Variants in PIP5K1B observed in about 807,000 individuals in gnomAD.
PIP5K1B encodes phosphatidylinositol-4-phosphate 5-kinase type 1 beta, also known as phosphatidylinositol 4-phosphate 5-kinase type-1 beta.
Under a neutral mutation model 67.0 loss-of-function variants are expected in PIP5K1B, and 42 were observed. That is an observed-to-expected ratio of 0.63 (90% CI 0.49 to 0.81). The LOEUF is 0.81. PIP5K1B is among the 30% of genes least tolerant of loss of function. The pLI is 0.00. For missense variants in PIP5K1B, 459 were observed against 646.3 expected (o/e 0.71, Z 3.14); for synonymous variants, 214 against 231.4 (o/e 0.92, Z 0.68).
chr9:68,733,621 TAG>T (rs1200643168), intron 1 of PIP5K1B, among the ~76,000 whole-genome samples: 1 of 139,862 alleles, frequency 7.1e-6, no homozygotes, highest in Non-Finnish European at 1.5e-5. Context: ...TTGAAATACT[TAG>T]ACTCTTTTTT....
chr9:68,725,634 A>C (rs954721587), intron 1 of PIP5K1B, among the ~76,000 whole-genome samples: 2 of 152,204 alleles, frequency 1.3e-5, no homozygotes, highest in African/African-American at 2.4e-5. Context: ...TTAGAGTTCC[A>C]GAATTTAAAC....
intron 8 of PIP5K1B, among the ~76,000 whole-genome samples, chr9:68,896,280 G>A (rs1564213944): frequency 1.3e-5 from 2 of 150,858 alleles, no homozygotes; most frequent in African/African-American, 4.9e-5. Context: ...TCTCTTTTGT[G>A]TGCTTCTTGC....
At chr9:68,851,200 TTCTGCC>T (rs1467382993) in intron 4 of PIP5K1B, among the ~76,000 whole-genome samples, 2 of 152,240 alleles carry the variant, frequency 1.3e-5, no homozygotes, top group East Asian at 3.8e-4. Context: ...TTTTTCTTTA[TTCTGCC>T]TCTCCTATTA....
intron 12 of PIP5K1B, among the ~76,000 whole-genome samples, chr9:68,932,389 T>C (rs1284763057): frequency 6.6e-6 from 1 of 152,204 alleles, no homozygotes; most frequent in East Asian, 1.9e-4. Context: ...TTTCACATAT[T>C]AGAAATTAAA....
intron 2 of PIP5K1B, among the ~76,000 whole-genome samples, chr9:68,778,432 T>C (rs1831033626): frequency 1.3e-5 from 2 of 152,340 alleles, no homozygotes; most frequent in African/African-American, 4.8e-5. Flanking sequence ...TAAATAATAC[T>C]ACCATCTCAC....
At chr9:68,984,297 C>T (rs1830012695) in intron 14 of PIP5K1B, among the ~76,000 whole-genome samples, 1 of 152,190 alleles carries the variant, frequency 6.6e-6, no homozygotes, top group Non-Finnish European at 1.5e-5. Flanking sequence ...TTTCTCAGCT[C>T]AGGTGCCTGT....
At chr9:68,800,088 A>G (rs1832518293) in intron 2 of PIP5K1B, among the ~76,000 whole-genome samples, 2 of 152,168 alleles carry the variant, frequency 1.3e-5, no homozygotes, top group African/African-American at 4.8e-5. Context: ...TTAAATAGAT[A>G]TTTTTCCAAA....
At chr9:68,772,338 T>G (rs1036966522) in intron 2 of PIP5K1B, among the ~76,000 whole-genome samples, 2 of 152,232 alleles carry the variant, frequency 1.3e-5, no homozygotes, top group East Asian at 3.8e-4. Context: ...TCAACCTGTT[T>G]GTCAGGCACA....
At chr9:68,946,017 T>A (rs1441635385) in intron 14 of PIP5K1B, among the ~76,000 whole-genome samples, 2 of 152,230 alleles carry the variant, frequency 1.3e-5, no homozygotes, top group Non-Finnish European at 2.9e-5. Flanking sequence ...AGCTATTTCC[T>A]CAAGTTGTTA....
chr9:68,804,994 A>G (rs767924569), intron 2 of PIP5K1B, among the ~76,000 whole-genome samples: 17 of 152,268 alleles, frequency 1.1e-4, no homozygotes, highest in Non-Finnish European at 2.1e-4. Context: ...TAACTGGTCC[A>G]GAATGCAAGT....
chr9:68,857,619 A>G (rs1193205761), intron 4 of PIP5K1B, among the ~76,000 whole-genome samples: 2 of 152,192 alleles, frequency 1.3e-5, no homozygotes, highest in Admixed American at 1.3e-4. Context: ...TAATCTCAAC[A>G]TTTTGGGAGG....
intron 12 of PIP5K1B, among the ~76,000 whole-genome samples, chr9:68,925,136 T>C (rs1170246406): frequency 6.6e-6 from 1 of 152,190 alleles, no homozygotes; most frequent in African/African-American, 2.4e-5. Context: ...ATTTTTTTTT[T>C]TGCCAGAATC....
At chr9:68,707,472 CAGTT>C (rs903815899) in intron 1 of PIP5K1B, 78 of 152,296 alleles carry the variant, frequency 5.1e-4, no homozygotes, top group African/African-American at 1.8e-3. Context: ...ATTAGAATCA[CAGTT>C]AGGTTTTCTG....
intron 1 of PIP5K1B, among the ~76,000 whole-genome samples, chr9:68,719,542 G>T (rs1203996269): frequency 6.6e-6 from 1 of 152,138 alleles, no homozygotes; most frequent in African/African-American, 2.4e-5. Context: ...AAGAAGCAAC[G>T]GTGTCATTGC....
chr9:68,992,518 A>G (rs948008133), intron 15 of PIP5K1B, among the ~76,000 whole-genome samples: 3 of 152,046 alleles, frequency 2.0e-5, no homozygotes, highest in Non-Finnish European at 4.4e-5. Flanking sequence ...GTCACCTAAG[A>G]TGCTACTCCT....
intron 5 of PIP5K1B, among the ~76,000 whole-genome samples, chr9:68,866,017 C>G (rs1448961584): frequency 1.3e-5 from 2 of 152,196 alleles, no homozygotes; most frequent in Non-Finnish European, 2.9e-5. Flanking sequence ...TAGCACTTTG[C>G]ATCTTTGGCC....
Position 68,980,230 on chromosome 9 carries a change from G to C in PIP5K1B, c.1503-10910G>C, listed in dbSNP as rs28502015. Among the ~76,000 whole-genome samples, 4 of 152,310 alleles carry C rather than the reference G, an allele frequency of 2.6e-5. No individual in the cohort carries two copies. The East Asian group carries it at 5.8e-4, about 22-fold the overall frequency. On this transcript the variant is annotated intron_variant, in intron 14 of 15. Transcript: ENST00000265382. ...ACCAAAGGTGAGCTTTTTCCCAGTG[G>C]GGCACAAGGTGTTGGTTTGACCATC...
chr9:68,809,993 G>C (rs996688819), intron 2 of PIP5K1B, among the ~76,000 whole-genome samples: 1 of 152,184 alleles, frequency 6.6e-6, no homozygotes, highest in Non-Finnish European at 1.5e-5. Context: ...ATGAATGAAA[G>C]AGTGAATTTA....
At chr9:68,958,263 T>C (rs181202206) in intron 14 of PIP5K1B, among the ~76,000 whole-genome samples, 44 of 152,278 alleles carry the variant, frequency 2.9e-4, no homozygotes, top group Non-Finnish European at 5.3e-4. Context: ...CTACCTAAAA[T>C]CAAAACCTAG....
Sources: gnomAD v4.1 joint callset for allele counts (sites outside exome capture counted in the v4.1 genomes callset) on GRCh38, gnomAD v4.1.1 for gene constraint, MANE v1.5 for transcripts, NCBI Gene and HGNC (gene_info 2026-07-23, HGNC 2026-07-21) for gene names.